INTS9: variants seen among roughly 807,000 people sequenced by gnomAD.
INTS9 encodes the protein integrator complex subunit 9, also known as protein related to CPSF subunits of 74 kDa.
A neutral mutation model predicts 79.7 loss-of-function variants in INTS9; 55 were observed. That is an observed-to-expected ratio of 0.69 (90% CI 0.56 to 0.86). The LOEUF (loss-of-function observed/expected upper bound fraction) is 0.86, where lower values mean the gene tolerates loss of function less well. INTS9 is among the 40% of genes least tolerant of loss of function. The probability of loss-of-function intolerance (pLI) is 0.00; values close to 1 mark genes in which losing one functional copy is unlikely to be tolerated. For missense variants in INTS9, 721 were observed against 831.5 expected (o/e 0.87, Z 1.64); for synonymous variants, 319 against 325.2 (o/e 0.98, Z 0.20).
chr8:28,814,340 A>T (rs932958941), intron 6 of INTS9, among the ~76,000 whole-genome samples: 7 of 149,562 alleles, frequency 4.7e-5, no homozygotes, highest in Admixed American at 1.3e-4. Flanking sequence ...ACACACTCTC[A>T]CACACACACC....
At chr8:28,788,611 G>A (rs1423921279) in intron 10 of INTS9, among the ~76,000 whole-genome samples, 1 of 152,142 alleles carries the variant, frequency 6.6e-6, no homozygotes, top group African/African-American at 2.4e-5. Flanking sequence ...TAGAGACGGG[G>A]TTTCACCATG....
intron 6 of INTS9, among the ~76,000 whole-genome samples, chr8:28,816,838 T>C (rs1427790624): frequency 6.6e-6 from 1 of 152,078 alleles, no homozygotes; most frequent in East Asian, 1.9e-4. Context: ...TTTTTAATGA[T>C]TGCCATTCTA....
intron 8 of INTS9, among the ~76,000 whole-genome samples, chr8:28,812,060 T>C (rs762197217): frequency 6.6e-6 from 1 of 152,232 alleles, no homozygotes; most frequent in Non-Finnish European, 1.5e-5. Context: ...AGTAAATGCA[T>C]AACCATCTGT....
Position 28,767,935 on chromosome 8 carries a change from A to G in INTS9, c.*211T>C, listed in dbSNP as rs1462979279. 1.1e-5 allele frequency: 6 copies of G among 564,708 alleles called. No homozygotes were observed. The highest frequency in any genetic ancestry group is 1.9e-5 in the Non-Finnish European group (6 of 316,490). 35.0% of individuals were successfully genotyped at this position (564,708 alleles called of 1,614,324 possible). On this transcript the variant is annotated 3_prime_UTR_variant, in exon 17 of 17. Transcript: ENST00000521022. Reference sequence around the variant, plus strand: ...TGAGAGAGCCAGAGTTGAGAAGAAAATGAGCCTGAAGTTGAAAGGGAAAGT... The same window carrying G: ...TGAGAGAGCCAGAGTTGAGAAGAAAGTGAGCCTGAAGTTGAAAGGGAAAGT...
intron 1 of INTS9, among the ~76,000 whole-genome samples, chr8:28,881,253 G>A (rs1387995020): frequency 2.7e-5 from 4 of 148,862 alleles, no homozygotes; most frequent in African/African-American, 9.9e-5. Context: ...GAGGGAGGTG[G>A]GGGGGTCAGC....
intron 6 of INTS9, among the ~76,000 whole-genome samples, chr8:28,830,579 C>T (rs1274736038): frequency 6.7e-6 from 1 of 150,024 alleles, no homozygotes; most frequent in East Asian, 2.0e-4. Context: ...GAGCTGACAT[C>T]GCATCACTGT....
chr8:28,837,555 T>C (rs898969016), intron 5 of INTS9, 82 bp downstream of exon 5: 8 of 1,425,170 alleles, frequency 5.6e-6, no homozygotes, highest in Non-Finnish European at 6.6e-6. Context: ...CCACCAGCCC[T>C]GGTATAATAC....
chr8:28,777,746 T>TCACTCTCC (rs1292291330), intron 13 of INTS9, 83 bp downstream of exon 13: 1 of 1,447,554 alleles, frequency 6.9e-7, no homozygotes, highest in Non-Finnish European at 9.2e-7. Flanking sequence ...CACAGCTAGA[T>TCACTCTCC]CTCTCTCCCC....
At chr8:28,861,578 TTAC>T (rs1457946039) in intron 1 of INTS9, among the ~76,000 whole-genome samples, 6 of 152,368 alleles carry the variant, frequency 3.9e-5, no homozygotes, top group South Asian at 4.1e-4. Context: ...CAATGAGCTT[TTAC>T]TACATTTTTA....
At chr8:28,846,030 C>T (rs1349487657) in intron 4 of INTS9, among the ~76,000 whole-genome samples, 1 of 152,218 alleles carries the variant, frequency 6.6e-6, no homozygotes, top group Non-Finnish European at 1.5e-5. Context: ...CTATTTTCTA[C>T]AGGCACTGCG....
chr8:28,782,871 AAC>A (rs1253697985), intron 11 of INTS9, among the ~76,000 whole-genome samples: 1 of 152,176 alleles, frequency 6.6e-6, no homozygotes, highest in African/African-American at 2.4e-5. Flanking sequence ...CACTAAAAAA[AAC>A]ACATACACAC....
chr8:28,780,183 G>A (rs1398548064), intron 12 of INTS9: 12 of 161,098 alleles, frequency 7.4e-5, no homozygotes, highest in Non-Finnish European at 1.1e-4. Flanking sequence ...GAACTATCTC[G>A]TGCCCCACAT....
chr8:28,843,248 T>TA (rs934694634), intron 4 of INTS9, among the ~76,000 whole-genome samples: 9 of 152,038 alleles, frequency 5.9e-5, no homozygotes, highest in South Asian at 2.1e-4. Context: ...GCAGTCCTGA[T>TA]AAAAAAAACC....
At chr8:28,832,746 G>A (rs960504999) in intron 6 of INTS9, among the ~76,000 whole-genome samples, 6 of 150,800 alleles carry the variant, frequency 4.0e-5, no homozygotes, top group Admixed American at 2.0e-4. Flanking sequence ...GGCAGATCAC[G>A]AAGTCAGGAG....
At chr8:28,866,208 C>T (rs958656031) in intron 1 of INTS9, among the ~76,000 whole-genome samples, 3 of 152,080 alleles carry the variant, frequency 2.0e-5, no homozygotes, top group Non-Finnish European at 4.4e-5. Flanking sequence ...CCATGTTACA[C>T]GATTTTCTGA....
intron 6 of INTS9, among the ~76,000 whole-genome samples, chr8:28,831,611 G>C (rs1806491177): frequency 6.6e-6 from 1 of 152,204 alleles, no homozygotes; most frequent in Non-Finnish European, 1.5e-5. Flanking sequence ...AAGGCAAAAT[G>C]CTGAGGACTT....
chr8:28,865,919 TC>T (rs575548395), intron 1 of INTS9, among the ~76,000 whole-genome samples: 4 of 151,992 alleles, frequency 2.6e-5, no homozygotes, highest in Non-Finnish European at 4.4e-5. Context: ...TTCATTTTAC[TC>T]CCCCCTCCCT....
intron 6 of INTS9, among the ~76,000 whole-genome samples, chr8:28,828,069 G>A (rs975185430): frequency 2.6e-5 from 4 of 152,174 alleles, no homozygotes; most frequent in African/African-American, 9.7e-5. Flanking sequence ...TCAAAGCACT[G>A]CCGCTCTCTG....
chr8:28,777,314 G>A (rs750181527), intron 13 of INTS9, among the ~76,000 whole-genome samples: 3 of 152,124 alleles, frequency 2.0e-5, no homozygotes, highest in African/African-American at 4.8e-5. Context: ...CAGTGGTTCC[G>A]TGGCCCTGCC....
Sources: gnomAD v4.1 joint callset for allele counts (sites outside exome capture counted in the v4.1 genomes callset) on GRCh38, gnomAD v4.1.1 for gene constraint, MANE v1.5 for transcripts, NCBI Gene and HGNC (gene_info 2026-07-23, HGNC 2026-07-21) for gene names.